Variants in EPHA6 observed in about 807,000 individuals in gnomAD.
The protein encoded by EPHA6 is ephrin type-A receptor 6.
In EPHA6, 50 loss-of-function variants were observed where a neutral mutation model predicts 112.0. The ratio of observed to expected loss-of-function variants is 0.45; its 90% CI spans 0.36 to 0.56. The LOEUF is 0.56. EPHA6 is among the 20% of genes least tolerant of loss of function. The pLI is 0.00. For missense variants in EPHA6, 1,280 were observed against 1,417.4 expected (o/e 0.90, Z 1.56); for synonymous variants, 529 against 490.7 (o/e 1.08, Z -1.03).
At position 97,459,082 on chromosome 3, in the gene EPHA6, C is replaced by T. The variant is rs746105192; in HGVS notation, c.1894+10352C>T. 7.2e-5 allele frequency among the ~76,000 whole-genome samples: 11 copies of T among 152,186 alleles called. No individual in the cohort carries two copies. In the South Asian group the frequency reaches 8.3e-4, roughly 11 times the overall value. ...ACTTGAAGGTTAAGTCAAACTTGGCCGTGAAAGTAGGGGTGCAGTGAGGGT... is the reference window on the plus strand; with the variant it reads ...ACTTGAAGGTTAAGTCAAACTTGGCTGTGAAAGTAGGGGTGCAGTGAGGGT... On this transcript the variant is annotated intron_variant, in intron 7 of 17. Transcript: ENST00000389672.
intron 14 of EPHA6, among the ~76,000 whole-genome samples, chr3:97,678,885 C>T (rs1576271711): frequency 6.6e-6 from 1 of 152,108 alleles, no homozygotes; most frequent in African/African-American, 2.4e-5. Context: ...ATATGTCTTA[C>T]AAATAACATA....
intron 3 of EPHA6, among the ~76,000 whole-genome samples, chr3:97,001,059 T>C (rs1426404906): frequency 1.3e-5 from 2 of 148,504 alleles, no homozygotes. Context: ...TATGTGTGTG[T>C]GTGTTTCATA....
intron 6 of EPHA6, among the ~76,000 whole-genome samples, chr3:97,435,273 A>T (rs1157997416): frequency 6.6e-6 from 1 of 152,216 alleles, no homozygotes; most frequent in East Asian, 1.9e-4. Flanking sequence ...GTAATAATTT[A>T]AAAATATGTA....
intron 5 of EPHA6, among the ~76,000 whole-genome samples, chr3:97,371,965 T>C (rs2085084058): frequency 6.6e-6 from 1 of 152,078 alleles, no homozygotes; most frequent in Non-Finnish European, 1.5e-5. Flanking sequence ...TCTCAAACGC[T>C]CTCTCCTGAT....
chr3:97,600,630 A>C (rs563898008), intron 12 of EPHA6, among the ~76,000 whole-genome samples: 1 of 152,082 alleles, frequency 6.6e-6, no homozygotes, highest in Admixed American at 6.6e-5. Context: ...TTCCCCAAGA[A>C]AATGGACATG....
Position 97,067,594 on chromosome 3 carries a change from A to G in EPHA6, c.1114+79601A>G, listed in dbSNP as rs551307835. The stretch of plus-strand genomic sequence containing the variant: ...AATAGTAGGATAAAATAGGGAGCCA[A>G]GGAGGGAATGGAAGAGAACCCAAGC... On this transcript the variant is annotated intron_variant, in intron 3 of 17. Transcript: ENST00000389672. Among the ~76,000 whole-genome samples, 3 of 152,076 alleles carry G rather than the reference A, an allele frequency of 2.0e-5. No individual in the cohort carries two copies. The South Asian group carries it at 6.2e-4, about 32-fold the overall frequency.
At chr3:97,307,805 G>A (rs1403536415) in intron 5 of EPHA6, among the ~76,000 whole-genome samples, 1 of 151,524 alleles carries the variant, frequency 6.6e-6, no homozygotes, top group Non-Finnish European at 1.5e-5. Flanking sequence ...TTTTACATCT[G>A]TGAAATTCTA....
At chr3:96,832,548 A>G (rs760743557) in intron 1 of EPHA6, among the ~76,000 whole-genome samples, 1 of 152,028 alleles carries the variant, frequency 6.6e-6, no homozygotes, top group Non-Finnish European at 1.5e-5. Flanking sequence ...CTAAATCCAC[A>G]ATTTCAGTAC....
intron 2 of EPHA6, among the ~76,000 whole-genome samples, chr3:96,881,789 T>A (rs560400724): frequency 6.6e-6 from 1 of 152,314 alleles, no homozygotes; most frequent in African/African-American, 2.4e-5. Flanking sequence ...GGTACAGGCA[T>A]TGGGTAAATA....
At chr3:97,543,593 C>T (rs1301298403) in intron 11 of EPHA6, among the ~76,000 whole-genome samples, 1 of 152,082 alleles carries the variant, frequency 6.6e-6, no homozygotes, top group Non-Finnish European at 1.5e-5. Flanking sequence ...TTTTTGGTTC[C>T]ATATGAACTT....
At chr3:96,965,734 C>A (rs993515914) in intron 2 of EPHA6, among the ~76,000 whole-genome samples, 1 of 152,046 alleles carries the variant, frequency 6.6e-6, no homozygotes, top group Admixed American at 6.6e-5. Flanking sequence ...ATCCAGCCCT[C>A]GTTCAGCAAC....
At chr3:96,987,290 TG>T (rs769688839) in intron 2 of EPHA6, 39 bp from the exon 3 acceptor site, 1 of 1,505,964 alleles carries the variant, frequency 6.6e-7, no homozygotes, top group South Asian at 1.3e-5. Context: ...TTAATCACTG[TG>T]GTTTAAAATC....
chr3:97,604,528 G>A (rs537968366), intron 12 of EPHA6, among the ~76,000 whole-genome samples: 4 of 151,772 alleles, frequency 2.6e-5, no homozygotes, highest in African/African-American at 7.2e-5. Flanking sequence ...GTGACATAGT[G>A]TGCAAACATA....
At chr3:97,229,933 T>C (rs1038105507) in intron 4 of EPHA6, among the ~76,000 whole-genome samples, 1 of 152,118 alleles carries the variant, frequency 6.6e-6, no homozygotes, top group African/African-American at 2.4e-5. Flanking sequence ...AAATAAAACT[T>C]CTTAATATAA....
intron 5 of EPHA6, among the ~76,000 whole-genome samples, chr3:97,387,454 A>C (rs1187232546): frequency 6.6e-6 from 1 of 152,078 alleles, no homozygotes; most frequent in African/African-American, 2.4e-5. Context: ...AGTTCAACAG[A>C]TTTTTAGAGC....
chr3:96,905,228 TG>T (rs2038867214), intron 2 of EPHA6, among the ~76,000 whole-genome samples: 1 of 152,112 alleles, frequency 6.6e-6, no homozygotes, highest in African/African-American at 2.4e-5. Flanking sequence ...AGATATTTTG[TG>T]ATGACTTGGG....
At position 97,754,505 on chromosome 3, in the gene EPHA6, A is replaced by G. The variant is rs2035976969; in HGVS notation, c.*5804A>G. Reference sequence around the variant, plus strand: ...CAATATATTTGGAACTTCTTTAGGTAGCCAGTGGCAATCCAAAATTACATT... The same window carrying G: ...CAATATATTTGGAACTTCTTTAGGTGGCCAGTGGCAATCCAAAATTACATT... On this transcript the variant is annotated 3_prime_UTR_variant, in exon 18 of 18. Transcript: ENST00000389672. 6.6e-6 allele frequency among the ~76,000 whole-genome samples: 1 copy of G among 152,204 alleles called. No individual in the cohort carries two copies. Among genetic ancestry groups the G allele is most frequent in the Non-Finnish European group, 1.5e-5 (1 of 68,036 alleles).
intron 2 of EPHA6, among the ~76,000 whole-genome samples, chr3:96,896,226 A>G (rs1207076582): frequency 1.3e-5 from 2 of 152,104 alleles, no homozygotes. Flanking sequence ...TTATAACATT[A>G]ACATCTTAAA....
intron 2 of EPHA6, among the ~76,000 whole-genome samples, chr3:96,939,366 T>A (rs1381642816): frequency 2.0e-5 from 3 of 152,228 alleles, no homozygotes; most frequent in Non-Finnish European, 4.4e-5. Flanking sequence ...TTTATCCACT[T>A]CTTCTAGATT....
Sources: allele counts gnomAD v4.1 joint callset (sites outside exome capture counted in the v4.1 genomes callset), GRCh38; gene constraint gnomAD v4.1.1; transcripts MANE v1.5; gene names NCBI Gene and HGNC (gene_info 2026-07-23, HGNC 2026-07-21).